EML5: variants seen among roughly 807,000 people sequenced by gnomAD.
EML5 encodes EMAP like 5, also known as echinoderm microtubule-associated protein-like 5.
A neutral mutation model predicts 250.0 loss-of-function variants in EML5; 120 were observed. The ratio of observed to expected loss-of-function variants is 0.48; its 90% CI spans 0.41 to 0.56. The LOEUF (loss-of-function observed/expected upper bound fraction) is 0.56, where lower values mean the gene tolerates loss of function less well. Among genes scored for constraint, EML5 ranks in the 20% least tolerant of loss-of-function variants. EML5 has a pLI of 0.00. For missense variants in EML5, 2,006 were observed against 2,437.6 expected (o/e 0.82, Z 3.73); for synonymous variants, 771 against 806.5 (o/e 0.96, Z 0.75).
chr14:88,725,426 T>C lies in EML5; in HGVS notation c.1187+1115A>G, dbSNP rs114777381. ...GAAAACATAATGTATCTGTTCATAA[T>C]GGGGAGATGTTAGTTAAAGAGTACG... On this transcript the variant is annotated intron_variant, in intron 8 of 43. Coordinates refer to ENST00000554922, the MANE Select transcript of EML5 (RefSeq NM_183387.3). Among the ~76,000 whole-genome samples the C allele has an allele frequency of 1.9e-3, 286 of 152,280 alleles. 2 individuals carry two copies. Among genetic ancestry groups the C allele is most frequent in the African/African-American group, 5.9e-3 (247 of 41,580 alleles).
At chr14:88,689,742 AAGAG>A (rs988058759) in intron 17 of EML5, among the ~76,000 whole-genome samples, 4 of 152,212 alleles carry the variant, frequency 2.6e-5, no homozygotes, top group East Asian at 1.9e-4. Context: ...TCCAAACAAA[AAGAG>A]AGAGAGAGAA....
chr14:88,648,691 C>T (rs749571395), intron 28 of EML5, among the ~76,000 whole-genome samples: 1 of 152,074 alleles, frequency 6.6e-6, no homozygotes, highest in African/African-American at 2.4e-5. Context: ...GGCCTCCCAA[C>T]CTCCCTTCCT....
intron 36 of EML5, chr14:88,624,507 A>C (rs2089612738): frequency 6.4e-6 from 1 of 156,044 alleles, no homozygotes; most frequent in Non-Finnish European, 1.4e-5. Flanking sequence ...TGTATAAAAC[A>C]GTTTAAATTT....
At chr14:88,783,712 C>A (rs1461739692) in intron 1 of EML5, among the ~76,000 whole-genome samples, 1 of 152,146 alleles carries the variant, frequency 6.6e-6, no homozygotes, top group Non-Finnish European at 1.5e-5. Flanking sequence ...AATATAATAG[C>A]TGGAGATTTC....
At chr14:88,734,423 T>C (rs12888343) in intron 7 of EML5, among the ~76,000 whole-genome samples, 2 of 151,680 alleles carry the variant, frequency 1.3e-5, no homozygotes, top group East Asian at 1.9e-4. Flanking sequence ...TTGAAAGGGG[T>C]TAAAAATGAA....
intron 8 of EML5, among the ~76,000 whole-genome samples, chr14:88,716,689 GTCT>G (rs2093499399): frequency 6.6e-6 from 1 of 151,556 alleles, no homozygotes; most frequent in African/African-American, 2.4e-5. Context: ...AGAGAAGAAC[GTCT>G]TATGTCCAAG....
At chr14:88,698,023 T>C (rs902110889) in intron 14 of EML5, among the ~76,000 whole-genome samples, 3 of 152,088 alleles carry the variant, frequency 2.0e-5, no homozygotes, top group Non-Finnish European at 4.4e-5. Context: ...AGGTGTGAGC[T>C]ACCGCACCTG....
At chr14:88,781,267 G>A (rs2140772284) in intron 1 of EML5, among the ~76,000 whole-genome samples, 1 of 152,290 alleles carries the variant, frequency 6.6e-6, no homozygotes, top group Non-Finnish European at 1.5e-5. Flanking sequence ...AAGAAATTGT[G>A]ATAGGCTCCT....
At chr14:88,781,803 T>C in intron 1 of EML5, among the ~76,000 whole-genome samples, 1 of 152,262 alleles carries the variant, frequency 6.6e-6, no homozygotes, top group Non-Finnish European at 1.5e-5. Flanking sequence ...GTAAGTTTCC[T>C]GAGGCTTCTC....
chr14:88,689,526 T>A (rs2092911764), intron 17 of EML5, among the ~76,000 whole-genome samples: 1 of 152,186 alleles, frequency 6.6e-6, no homozygotes, highest in South Asian at 2.1e-4. Context: ...TCTTGCCCAT[T>A]TTTCCCAATT....
At chr14:88,763,128 A>G (rs982502161) in intron 1 of EML5, among the ~76,000 whole-genome samples, 1 of 152,208 alleles carries the variant, frequency 6.6e-6, no homozygotes, top group Non-Finnish European at 1.5e-5. Context: ...CAAATTCAAA[A>G]GCTAGCAGAA....
intron 21 of EML5, among the ~76,000 whole-genome samples, chr14:88,678,211 G>A (rs971367871): frequency 6.6e-6 from 1 of 152,120 alleles, no homozygotes; most frequent in African/African-American, 2.4e-5. Flanking sequence ...AATACTGCAT[G>A]TTCTCCCTTA....
At chr14:88,695,492 A>C in intron 15 of EML5, 38 bp from the exon 16 acceptor site, 1 of 1,545,296 alleles carries the variant, frequency 6.5e-7, no homozygotes, top group South Asian at 1.2e-5. Context: ...CTGACTATTA[A>C]CATTCAGAAG....
intron 17 of EML5, among the ~76,000 whole-genome samples, chr14:88,689,248 ATAGGG>A (rs1413612466): frequency 6.6e-6 from 1 of 152,226 alleles, no homozygotes; most frequent in African/African-American, 2.4e-5. Flanking sequence ...GGGAGTAGTA[ATAGGG>A]TAATGTGCAA....
chr14:88,649,580 T>C (rs1009163890), intron 28 of EML5, among the ~76,000 whole-genome samples: 8 of 152,240 alleles, frequency 5.3e-5, no homozygotes, highest in African/African-American at 1.7e-4. Flanking sequence ...AGGTTTAAAA[T>C]TGAATAGTCT....
chr14:88,712,848 T>A (rs530810240), intron 9 of EML5, among the ~76,000 whole-genome samples: 4 of 152,090 alleles, frequency 2.6e-5, no homozygotes, highest in Admixed American at 2.6e-4. Flanking sequence ...AAATCAGGTA[T>A]TAAAAAAGAA....
At position 88,759,702 on chromosome 14, in the gene EML5, A is replaced by AAAAAAAAT. The variant is rs1365611318; in HGVS notation, c.198-5032_198-5031insATTTTTTT. On this transcript the variant is annotated intron_variant, in intron 1 of 43. Transcript: ENST00000554922. ...CCATCTCTTAAAAAAAAAAAAAAAA[A>AAAAAAAAT]AACTGGGGAGAAAAACTATGCAGGT... Among the ~76,000 whole-genome samples, 3 of 149,214 alleles carry AAAAAAAAT rather than the reference A, an allele frequency of 2.0e-5. No individual in the cohort carries two copies. In the East Asian group the frequency reaches 5.9e-4, roughly 29 times the overall value.
At chr14:88,707,076 G>T (rs1016708531) in intron 10 of EML5, among the ~76,000 whole-genome samples, 1 of 152,080 alleles carries the variant, frequency 6.6e-6, no homozygotes, top group Non-Finnish European at 1.5e-5. Flanking sequence ...AGATTCAGGT[G>T]ATGTGTTTTG....
intron 33 of EML5, among the ~76,000 whole-genome samples, chr14:88,631,562 A>G (rs1342442001): frequency 6.6e-6 from 1 of 152,218 alleles, no homozygotes; most frequent in African/African-American, 2.4e-5. Flanking sequence ...TGAGGTCAGG[A>G]GTTCGAGACC....
Sources: allele counts gnomAD v4.1 joint callset (sites outside exome capture counted in the v4.1 genomes callset), GRCh38; gene constraint gnomAD v4.1.1; transcripts MANE v1.5; gene names NCBI Gene and HGNC (gene_info 2026-07-23, HGNC 2026-07-21).